ST3GAL1: variants seen among roughly 807,000 people sequenced by gnomAD.
ST3GAL1 encodes CMP-N-acetylneuraminate-beta-galactosamide-alpha-2,3-sialyltransferase 1.
A neutral mutation model predicts 34.1 loss-of-function variants in ST3GAL1; 16 were observed. The ratio of observed to expected loss-of-function variants is 0.47; its 90% confidence interval spans 0.32 to 0.71. ST3GAL1 has a LOEUF of 0.71. Among genes scored for constraint, ST3GAL1 ranks in the 30% least tolerant of loss-of-function variants. The pLI, the probability that ST3GAL1 is intolerant of heterozygous loss-of-function variation, is 0.04. For synonymous variants in ST3GAL1, 191 were observed against 184.7 expected (o/e 1.03, Z -0.28); for missense variants, 353 against 447.4 (o/e 0.79, Z 1.90).
At chr8:133,487,841 G>T (rs1037217000) in intron 3 of ST3GAL1, among the ~76,000 whole-genome samples, 1 of 152,064 alleles carries the variant, frequency 6.6e-6, no homozygotes, top group Non-Finnish European at 1.5e-5. Context: ...GGTGGCGGAT[G>T]CCTGTAGTCC....
At chr8:133,564,553 CAG>C (rs1554621353) in intron 1 of ST3GAL1, among the ~76,000 whole-genome samples, 58 of 151,606 alleles carry the variant, frequency 3.8e-4, no homozygotes, top group South Asian at 8.4e-4. Context: ...CACACACACA[CAG>C]AGTCAGAAGA....
At chr8:133,496,008 A>G (rs1309751156) in intron 3 of ST3GAL1, among the ~76,000 whole-genome samples, 2 of 152,170 alleles carry the variant, frequency 1.3e-5, no homozygotes, top group African/African-American at 4.8e-5. Flanking sequence ...TGTTTAATTG[A>G]CAGACGGACA....
intron 1 of ST3GAL1, among the ~76,000 whole-genome samples, chr8:133,563,078 G>A (rs1819294798): frequency 6.6e-6 from 1 of 151,918 alleles, no homozygotes; most frequent in South Asian, 2.1e-4. Context: ...TATGCATGAA[G>A]GGACTTTTTA....
chr8:133,474,040 C>G (rs551905961), intron 5 of ST3GAL1, among the ~76,000 whole-genome samples: 1 of 152,356 alleles, frequency 6.6e-6, no homozygotes, highest in East Asian at 1.9e-4. Context: ...GATTAGCAAA[C>G]CAGGACTCAG....
chr8:133,467,783 C>T lies in ST3GAL1; in HGVS notation c.307-1693G>A, dbSNP rs914383418. Among the ~76,000 whole-genome samples, 5 of 152,240 alleles carry T rather than the reference C, an allele frequency of 3.3e-5. No individual in the cohort carries two copies. Among genetic ancestry groups the T allele is most frequent in the Admixed American group, 2.6e-4 (4 of 15,294 alleles). On this transcript the variant is annotated intron_variant, in intron 5 of 9. Transcript: ENST00000522652. The surrounding 1 kb of genome is among the most constrained non-coding windows in gnomAD (Gnocchi z 4.2). ...GTAGGGAGATCCCGGGGCACCCAGT[C>T]CCCACTGCAATGGAAGGAATCGGAT...
At chr8:133,465,185 C>T (rs1815689550) in intron 6 of ST3GAL1, among the ~76,000 whole-genome samples, 1 of 152,326 alleles carries the variant, frequency 6.6e-6, no homozygotes, top group Admixed American at 6.5e-5. Context: ...ATCACCACCA[C>T]TGCCCGCCTG....
In ST3GAL1 at chr8:133,469,268, G is replaced by A. The variant is rs149634806; in HGVS notation, c.307-3178C>T. Among the ~76,000 whole-genome samples, 1,648 of 152,252 alleles carry A rather than the reference G, an allele frequency of 0.011. 18 individuals carry two copies. Among genetic ancestry groups the A allele is most frequent in the South Asian group, 0.045 (219 of 4,820 alleles). ...GAGTCTCACTCTATCGCCCAGGCTGGAATGCAGTGGTGCGATCTCGGCTCA... is the reference window on the plus strand; with the variant it reads ...GAGTCTCACTCTATCGCCCAGGCTGAAATGCAGTGGTGCGATCTCGGCTCA... On this transcript the variant is annotated intron_variant, in intron 5 of 9. Transcript: ENST00000522652. The surrounding 1 kb of genome is among the most constrained non-coding windows in gnomAD (Gnocchi z 4.3).
chr8:133,460,177 T>A (rs1158721982), intron 9 of ST3GAL1, among the ~76,000 whole-genome samples: 2 of 152,224 alleles, frequency 1.3e-5, no homozygotes, highest in Non-Finnish European at 2.9e-5. Flanking sequence ...GAGAGATTAC[T>A]GCATCTGGGT....
Position 133,508,227 on chromosome 8 carries a change from CCA to C in ST3GAL1, c.-428-9040_-428-9039del, listed in dbSNP as rs1817400871. Among the ~76,000 whole-genome samples, 1 of 152,240 alleles carries C rather than the reference CCA, an allele frequency of 6.6e-6. No individual in the cohort carries two copies. Among genetic ancestry groups the C allele is most frequent in the African/African-American group, 2.4e-5 (1 of 41,470 alleles). On this transcript the variant is annotated intron_variant, in intron 2 of 9. Coordinates refer to ENST00000522652, the MANE Select transcript of ST3GAL1 (RefSeq NM_173344.3). The surrounding 1 kb of genome is among the most constrained non-coding windows in gnomAD (Gnocchi z 4.1). ...ATTCAAACACCAAACTACCTGGACT[CCA>C]GAGTCCAGAACACGTTTCTTATGTG...
In ST3GAL1 at chr8:133,498,453, G is replaced by A. The variant is rs576917686; in HGVS notation, c.-374+682C>T. Among the ~76,000 whole-genome samples, 5 of 152,264 alleles carry A rather than the reference G, an allele frequency of 3.3e-5. No individual in the cohort carries two copies. In the South Asian group the frequency reaches 6.2e-4, roughly 19 times the overall value. ...GCCCTGCCCATGAACAGCCAGGGCT[G>A]GTGTCCAGCTAGGGCAGGTGCCCTC... On this transcript the variant is annotated intron_variant, in intron 3 of 9. Coordinates refer to ENST00000522652, the MANE Select transcript of ST3GAL1 (RefSeq NM_173344.3).
intron 3 of ST3GAL1, among the ~76,000 whole-genome samples, chr8:133,489,118 T>C (rs896475781): frequency 3.3e-5 from 5 of 152,100 alleles, no homozygotes; most frequent in African/African-American, 1.2e-4. Context: ...AGCCCTAGGG[T>C]TGGAAACAGT....
chr8:133,520,339 T>A (rs1267079087), intron 2 of ST3GAL1, among the ~76,000 whole-genome samples: 1 of 152,230 alleles, frequency 6.6e-6, no homozygotes, highest in African/African-American at 2.4e-5. Context: ...TCCATCTTGC[T>A]GGAGGCAGCC....
chr8:133,557,705 A>G (rs1333337716), intron 1 of ST3GAL1, among the ~76,000 whole-genome samples: 2 of 152,190 alleles, frequency 1.3e-5, no homozygotes, highest in Non-Finnish European at 2.9e-5. Context: ...AAAATTAGCC[A>G]GGCGTGGTGG....
intron 2 of ST3GAL1, among the ~76,000 whole-genome samples, chr8:133,504,219 G>A (rs187836067): frequency 6.6e-6 from 1 of 152,310 alleles, no homozygotes; most frequent in African/African-American, 2.4e-5. Context: ...CCAAGGTCAT[G>A]GAGCCAGCCA....
chr8:133,529,310 G>T (rs1337483560), intron 2 of ST3GAL1, among the ~76,000 whole-genome samples: 1 of 152,232 alleles, frequency 6.6e-6, no homozygotes, highest in Admixed American at 6.5e-5. Context: ...GGGCCAGAGA[G>T]GATGCGGCAG....
At chr8:133,562,309 AAGTGATTCTCCTACCT>A (rs1819249919) in intron 1 of ST3GAL1, among the ~76,000 whole-genome samples, 1 of 151,450 alleles carries the variant, frequency 6.6e-6, no homozygotes, top group Middle Eastern at 3.4e-3. Context: ...TCCTGGGTTC[AAGTGATTCTCCTACCT>A]CAGCCTCCCG....
chr8:133,491,522 G>C (rs954501853), intron 3 of ST3GAL1, among the ~76,000 whole-genome samples: 1 of 152,018 alleles, frequency 6.6e-6, no homozygotes, highest in South Asian at 2.1e-4. Context: ...CTCTGGAGCC[G>C]AGATTCACAG....
chr8:133,532,983 C>T (rs1273108593), intron 2 of ST3GAL1, among the ~76,000 whole-genome samples: 9 of 152,164 alleles, frequency 5.9e-5, no homozygotes, highest in Non-Finnish European at 8.8e-5. Flanking sequence ...TAATTAAGTG[C>T]CGGGCTGGAG....
intron 1 of ST3GAL1, among the ~76,000 whole-genome samples, chr8:133,555,586 A>G (rs1201950312): frequency 6.6e-6 from 1 of 152,184 alleles, no homozygotes; most frequent in East Asian, 1.9e-4. Context: ...GTCTGATGAA[A>G]TCCCATTCTG....
Sources: gnomAD v4.1 joint callset for allele counts (sites outside exome capture counted in the v4.1 genomes callset) on GRCh38, gnomAD v4.1.1 for gene constraint, Gnocchi (gnomAD v3.1) non-coding constraint, MANE v1.5 for transcripts, NCBI Gene and HGNC (gene_info 2026-07-23, HGNC 2026-07-21) for gene names.